The following SIK3 variants were observed in gnomAD, a reference collection of about 807,000 sequenced individuals.
SIK3 encodes SIK family kinase 3.
In SIK3, 28 loss-of-function variants were observed where a neutral mutation model predicts 144.2. The ratio of observed to expected loss-of-function variants is 0.19; its 90% CI spans 0.14 to 0.27. The LOEUF is 0.27. Among genes scored for constraint, SIK3 ranks in the 10% least tolerant of loss-of-function variants. The pLI is 1.00. For synonymous variants in SIK3, 686 were observed against 676.3 expected (o/e 1.01, Z -0.22); for missense variants, 1,319 against 1,776.0 (o/e 0.74, Z 4.62).
At position 116,846,420 on chromosome 11, in the gene SIK3, G is replaced by A. The variant is rs150767868; in HGVS notation, c.4086C>T (p.Phe1362=). Residue 1362 remains phenylalanine (F), a synonymous_variant, in exon 24 of 25, where the codon TTC becomes TTT. Coordinates refer to ENST00000445177, the MANE Select transcript of SIK3 (RefSeq NM_001366686.3). This position sits in a 1 kb window ranked among gnomAD's most constrained non-coding sequence, Gnocchi z 4.1. Reference sequence around the variant, plus strand: ...GTTACACGCCTGCCTGCTCCATGCTGAAGGAGACTTCGGGGTGCTTGTAGC... The same window carrying A: ...GTTACACGCCTGCCTGCTCCATGCTAAAGGAGACTTCGGGGTGCTTGTAGC... ...LLSYKHPEVS[F]SMEQAGV is the part of the protein sequence containing the mutation. 3.5e-3 allele frequency: 5,592 copies of A among 1,614,190 alleles called. 13 individuals are homozygous for A. The highest frequency in any genetic ancestry group is 3.9e-3 in the Non-Finnish European group (4,630 of 1,180,042).
At chr11:116,988,109 T>G (rs1950381131) in intron 1 of SIK3, among the ~76,000 whole-genome samples, 1 of 152,178 alleles carries the variant, frequency 6.6e-6, no homozygotes, top group Non-Finnish European at 1.5e-5. Flanking sequence ...AAAGAGATCC[T>G]GGTGCAGAAA....
At chr11:116,977,764 A>G (rs2135496037) in intron 1 of SIK3, among the ~76,000 whole-genome samples, 1 of 152,316 alleles carries the variant, frequency 6.6e-6, no homozygotes, top group Non-Finnish European at 1.5e-5. Flanking sequence ...TAAGGCTACA[A>G]CCATTGAACT....
chr11:116,906,169 G>A (rs1169608985), intron 4 of SIK3, among the ~76,000 whole-genome samples: 2 of 152,142 alleles, frequency 1.3e-5, no homozygotes, highest in East Asian at 3.8e-4. Flanking sequence ...ATTGAAGGCT[G>A]TGATCAGATG....
Position 116,859,256 on chromosome 11 carries a change from C to T in SIK3, c.2765+9G>A, listed in dbSNP as rs746017902. ...GCATAGATGGCTGGGTGACGTTAGG[C>T]GGTCTTACCTGTGAGCCTCTGCACT... On this transcript the variant is annotated intron_variant, in intron 20 of 24. Transcript: ENST00000445177. 10 of 1,590,974 alleles carry T rather than the reference C, an allele frequency of 6.3e-6. No homozygotes were observed. Among genetic ancestry groups the T allele is most frequent in the South Asian group, 3.4e-5 (3 of 88,820 alleles).
At chr11:116,915,158 G>GTGTGTA (rs899776814) in intron 4 of SIK3, among the ~76,000 whole-genome samples, 11 of 148,780 alleles carry the variant, frequency 7.4e-5, no homozygotes, top group African/African-American at 2.8e-4. Context: ...GTGTGTGTGT[G>GTGTGTA]TGTATGTGTA....
intron 1 of SIK3, among the ~76,000 whole-genome samples, chr11:117,064,162 T>C (rs903718005): frequency 1.3e-5 from 2 of 152,306 alleles, no homozygotes; most frequent in Non-Finnish European, 2.9e-5. Flanking sequence ...GGGTCATTCA[T>C]GTACTGAGAC....
At position 116,875,149 on chromosome 11, in the gene SIK3, G is replaced by T; in HGVS notation, c.1427+9C>A. On this transcript the variant is annotated intron_variant, in intron 11 of 24. Transcript: ENST00000445177. ...CAGTGTTAGTGAGGGCTGTTGGCCGGATACTCACCGTGGGTCAGCCACACC... is the reference window on the plus strand; with the variant it reads ...CAGTGTTAGTGAGGGCTGTTGGCCGTATACTCACCGTGGGTCAGCCACACC... 6.2e-7 allele frequency: 1 copy of T among 1,610,366 alleles called. No homozygotes were observed. Among genetic ancestry groups the T allele is most frequent in the Non-Finnish European group, 8.5e-7 (1 of 1,177,298 alleles).
chr11:116,848,208 AG>A (rs375470374), intron 22 of SIK3, among the ~76,000 whole-genome samples: 4 of 151,574 alleles, frequency 2.6e-5, no homozygotes, highest in Non-Finnish European at 4.4e-5. Context: ...AATACAAAAA[AG>A]GGTGGCGGGC....
intron 1 of SIK3, among the ~76,000 whole-genome samples, chr11:117,057,135 A>C (rs1252946382): frequency 6.6e-6 from 1 of 152,238 alleles, no homozygotes; most frequent in Non-Finnish European, 1.5e-5. Flanking sequence ...TAAAAAACTT[A>C]GATAATACTA....
In SIK3 at chr11:116,849,023, G is replaced by A. The variant is rs1942216075; in HGVS notation, c.3819+97C>T. ...CCAGAAAGGCTGAATGCTGACTGAGGAGAGCGGCCAAGAGAGGCTACCCCA... is the reference window on the plus strand; with the variant it reads ...CCAGAAAGGCTGAATGCTGACTGAGAAGAGCGGCCAAGAGAGGCTACCCCA... On this transcript the variant is annotated intron_variant, in intron 22 of 24. Coordinates refer to ENST00000445177, the MANE Select transcript of SIK3 (RefSeq NM_001366686.3). This position sits in a 1 kb window ranked among gnomAD's most constrained non-coding sequence, Gnocchi z 4.2. 3.0e-6 allele frequency: 4 copies of A among 1,344,298 alleles called. No homozygotes were observed. The highest frequency in any genetic ancestry group is 4.0e-6 in the Non-Finnish European group (4 of 1,002,244). The allele number at this position is 1,344,298 out of a possible 1,614,324, so 83.3% of individuals were successfully genotyped here. A position where few individuals can be genotyped will look rare whatever the true frequency, so the allele number is the denominator to read the frequency against.
chr11:117,083,457 C>G (rs1954872730), intron 1 of SIK3, among the ~76,000 whole-genome samples: 1 of 152,098 alleles, frequency 6.6e-6, no homozygotes, highest in Admixed American at 6.6e-5. Context: ...GACTTGGACC[C>G]AAAGATCATT....
rs111245421 is a variant in SIK3 at position 116,918,204 on chromosome 11, T to G, written c.616+9015A>C. ...ATCCAGCACTTCACATACTTATTGA[T>G]CCACACTTTATTCAATGCTGTGCCC... On this transcript the variant is annotated intron_variant, in intron 4 of 24. Coordinates refer to ENST00000445177, the MANE Select transcript of SIK3 (RefSeq NM_001366686.3). 3.8e-3 allele frequency among the ~76,000 whole-genome samples: 586 copies of G among 152,328 alleles called. 4 individuals are homozygous for G. The highest frequency in any genetic ancestry group is 0.014 in the African/African-American group (572 of 41,568).
At chr11:116,946,422 C>A (rs886371081) in intron 3 of SIK3, among the ~76,000 whole-genome samples, 3 of 152,118 alleles carry the variant, frequency 2.0e-5, no homozygotes, top group Non-Finnish European at 2.9e-5. Flanking sequence ...TCCCCAAGCC[C>A]TAATTTTCAC....
intron 16 of SIK3, among the ~76,000 whole-genome samples, chr11:116,862,733 G>A (rs1053048915): frequency 2.6e-5 from 4 of 152,144 alleles, no homozygotes; most frequent in African/African-American, 9.7e-5. Flanking sequence ...ATGCCAGGTG[G>A]TAACAATGTA....
intron 1 of SIK3, among the ~76,000 whole-genome samples, chr11:117,021,711 C>T (rs923928482): frequency 2.0e-5 from 3 of 151,846 alleles, no homozygotes; most frequent in Non-Finnish European, 4.4e-5. Flanking sequence ...CACCTATAGT[C>T]CCAGCTACTC....
intron 1 of SIK3, among the ~76,000 whole-genome samples, chr11:117,046,070 G>T (rs1371135935): frequency 6.6e-6 from 1 of 152,198 alleles, no homozygotes; most frequent in African/African-American, 2.4e-5. Context: ...TTCATTGGTG[G>T]TAAGTGCAGT....
chr11:116,862,090 A>T, intron 17 of SIK3, 112 bp downstream of exon 17: 3 of 1,500,686 alleles, frequency 2.0e-6, no homozygotes, highest in Non-Finnish European at 9.2e-7. Context: ...TGTCAACCAT[A>T]AACAGACCTC....
chr11:117,073,950 C>T (rs181545269), intron 1 of SIK3, among the ~76,000 whole-genome samples: 15 of 152,342 alleles, frequency 9.8e-5, no homozygotes, highest in Admixed American at 8.5e-4. Flanking sequence ...GGGTCTTGCT[C>T]TGTTGCCAAG....
intron 1 of SIK3, among the ~76,000 whole-genome samples, chr11:117,056,595 A>C (rs1308610567): frequency 7.2e-6 from 1 of 139,700 alleles, no homozygotes; most frequent in African/African-American, 2.8e-5. Context: ...ATAGATATAG[A>C]TATAAAGTCC....
Sources: gnomAD v4.1 joint callset for allele counts (sites outside exome capture counted in the v4.1 genomes callset) on GRCh38, gnomAD v4.1.1 for gene constraint, Gnocchi (gnomAD v3.1) non-coding constraint, MANE v1.5 for transcripts, NCBI Gene and HGNC (gene_info 2026-07-23, HGNC 2026-07-21) for gene names.